The following KLHL13 variants were observed in gnomAD, a reference collection of about 807,000 sequenced individuals.
KLHL13 encodes the protein kelch-like protein 13.
KLHL13 carries 10 observed loss-of-function variants against 37.1 expected under a neutral mutation model. That is an observed-to-expected ratio of 0.27 (90% confidence interval 0.17 to 0.46). The LOEUF (loss-of-function observed/expected upper bound fraction) is 0.46. KLHL13 is among the 20% of genes least tolerant of loss of function. The pLI is 1.00. For synonymous variants in KLHL13, 163 were observed against 181.2 expected (o/e 0.90, Z 0.81); for missense variants, 360 against 509.3 (o/e 0.71, Z 2.82).
chrX:118,089,605 AGAGAG>A (rs1569313783), intron 1 of KLHL13, among the ~76,000 whole-genome samples: 34 of 85,020 alleles, frequency 4.0e-4, no homozygotes, highest in African/African-American at 1.4e-3. Context: ...AGAGAGAGAG[AGAGAG>A]AGAAAGAAAG....
chrX:118,032,174 A>G (rs747202803), intron 1 of KLHL13, among the ~76,000 whole-genome samples: 11 of 111,279 alleles, frequency 9.9e-5, no homozygotes, highest in Admixed American at 3.8e-4. Flanking sequence ...AGGGGCGCCC[A>G]CCATTGCCCA....
chrX:117,972,192 A>G (rs895175190), intron 1 of KLHL13, among the ~76,000 whole-genome samples: 2 of 112,289 alleles, frequency 1.8e-5, no homozygotes, highest in Non-Finnish European at 1.9e-5. Flanking sequence ...ACACTTCAGA[A>G]CTTGAATGAT....
At chrX:118,051,085 A>T (rs895198215) in intron 1 of KLHL13, among the ~76,000 whole-genome samples, 3 of 110,935 alleles carry the variant, frequency 2.7e-5, no homozygotes, top group African/African-American at 9.8e-5. Context: ...GAGGCCCATT[A>T]CAAGAATGTC....
At position 118,104,048 on chromosome X, in the gene KLHL13, T is replaced by TAAAAAAAA. The variant is rs60645250; in HGVS notation, c.-56+12452_-56+12459dup. 6.3e-4 allele frequency among the ~76,000 whole-genome samples: 27 copies of TAAAAAAAA among 42,571 alleles called. 4 individuals are homozygous for TAAAAAAAA. Among genetic ancestry groups the TAAAAAAAA allele is most frequent in the African/African-American group, 1.9e-3 (21 of 11,188 alleles). The allele number at this position is 42,571 out of a possible 115,157, so 37.0% of individuals were successfully genotyped here. On this transcript the variant is annotated intron_variant, in intron 1 of 6. Coordinates refer to the KLHL13 transcript ENST00000371882. Reference sequence around the variant, plus strand: ...CAACATACCGAGGCCTCATTTCCACTAAAAAAAAAAAAAAAAAAAAAAAAA... The same window carrying TAAAAAAAA: ...CAACATACCGAGGCCTCATTTCCACTAAAAAAAAAAAAAAAAAAAAAAAAAAAAAAAAA...
chrX:117,945,056 G>A (rs1269149983), intron 2 of KLHL13, among the ~76,000 whole-genome samples: 1 of 111,509 alleles, frequency 9.0e-6, no homozygotes, highest in Non-Finnish European at 1.9e-5. Flanking sequence ...TAGGGACCTT[G>A]TAATACTTAC....
intron 1 of KLHL13, among the ~76,000 whole-genome samples, chrX:118,064,522 G>A (rs113769045): frequency 4.5e-5 from 5 of 111,965 alleles, no homozygotes; most frequent in African/African-American, 1.6e-4. Context: ...ATGTGCTTAA[G>A]TGACTAACAT....
At chrX:117,904,746 C>T (rs1006674957) in intron 5 of KLHL13, among the ~76,000 whole-genome samples, 11 of 111,556 alleles carry the variant, frequency 9.9e-5, no homozygotes, top group African/African-American at 3.3e-4. Flanking sequence ...TTTTACACTA[C>T]AACAGCAGAG....
At position 118,008,382 on chromosome X, in the gene KLHL13, T is replaced by A. The variant is rs1305473621; in HGVS notation, c.-55-62807A>T. On this transcript the variant is annotated intron_variant, in intron 1 of 6. Coordinates refer to the KLHL13 transcript ENST00000371882. ...ACACCCAAAATAAGCAGAACTAGCT[T>A]GGCCTTAGGGTAAACGCCATAGGTG... Among the ~76,000 whole-genome samples the A allele has an allele frequency of 3.6e-5, 4 of 112,083 alleles. No individual in the cohort carries two copies. The Admixed American group carries it at 3.8e-4, about 11-fold the overall frequency.
chrX:117,978,297 A>G (rs1249728324), upstream of KLHL13, among the ~76,000 whole-genome samples: 1 of 112,294 alleles, frequency 8.9e-6, no homozygotes, highest in Admixed American at 9.5e-5. Context: ...TCCTCACACC[A>G]TGATGGCATA....
At chrX:118,061,634 T>C (rs747894190) in intron 1 of KLHL13, among the ~76,000 whole-genome samples, 32 of 111,779 alleles carry the variant, frequency 2.9e-4, no homozygotes, top group Non-Finnish European at 5.1e-4. Context: ...TCTAATTATA[T>C]ATTTGTTGAA....
chrX:118,093,453 G>C (rs1020958397), intron 1 of KLHL13, among the ~76,000 whole-genome samples: 2 of 111,515 alleles, frequency 1.8e-5, no homozygotes, highest in Non-Finnish European at 3.8e-5. Flanking sequence ...CAGATTTTAG[G>C]TCAGGTTTAG....
intron 1 of KLHL13, among the ~76,000 whole-genome samples, chrX:118,052,170 A>G (rs901274472): frequency 4.5e-5 from 5 of 111,359 alleles, no homozygotes; most frequent in African/African-American, 1.6e-4. Context: ...AATCCTATCT[A>G]TACCATATGT....
chrX:117,908,128 TCCTGCTTC>T (rs1268044201), intron 5 of KLHL13, among the ~76,000 whole-genome samples: 4 of 107,846 alleles, frequency 3.7e-5, no homozygotes, highest in Admixed American at 1.0e-4. Flanking sequence ...GTTCAAGCAA[TCCTGCTTC>T]AGCCTCCCTA....
chrX:118,102,367 A>T (rs1227810883), intron 1 of KLHL13, among the ~76,000 whole-genome samples: 1 of 111,844 alleles, frequency 8.9e-6, no homozygotes, highest in Admixed American at 9.5e-5. Context: ...CAGCTTAGGT[A>T]TCACCATAGG....
At chrX:117,973,047 A>T in exon 1 of KLHL13, 1 of 1,040,367 alleles carries the variant, frequency 9.6e-7, no homozygotes, top group African/African-American at 1.9e-5. Flanking sequence ...TGATGATTCA[A>T]TCATTCCAAC....
intron 1 of KLHL13, among the ~76,000 whole-genome samples, chrX:118,096,986 A>G (rs1232808581): frequency 4.5e-5 from 5 of 111,318 alleles, no homozygotes; most frequent in African/African-American, 1.3e-4. Context: ...TGAATGGGCA[A>G]AAACTGGAAG....
At chrX:117,910,036 C>T in exon 5 of KLHL13, 3 of 1,203,032 alleles carry the variant, frequency 2.5e-6, no homozygotes, top group Non-Finnish European at 3.4e-6. Context: ...TATTTATCCA[C>T]TTCGGTTAGA....
chrX:118,078,953 T>C (rs1046549947), intron 1 of KLHL13, among the ~76,000 whole-genome samples: 2 of 111,238 alleles, frequency 1.8e-5, no homozygotes, highest in African/African-American at 6.5e-5. Flanking sequence ...TATTCTTTTT[T>C]TAATTTTAGA....
rs188076697 is a variant in KLHL13 at position 117,898,899 on chromosome X, G to A, written c.*9C>T. 665 of 1,189,122 alleles carry A rather than the reference G, an allele frequency of 5.6e-4. 4 individuals are homozygous for A. In the East Asian group the frequency reaches 0.016, roughly 29 times the overall value. On this transcript the variant is annotated 3_prime_UTR_variant, in exon 7 of 7. Transcript: ENST00000262820. Reference sequence around the variant, plus strand: ...ATAGAACTACAGCATCTTAGTTGTAGAGATGATCTTAAGGTGCAGAAAGAG... The same window carrying A: ...ATAGAACTACAGCATCTTAGTTGTAAAGATGATCTTAAGGTGCAGAAAGAG...
Sources: allele counts gnomAD v4.1 joint callset (sites outside exome capture counted in the v4.1 genomes callset), GRCh38; gene constraint gnomAD v4.1.1; transcripts MANE v1.5; gene names NCBI Gene and HGNC (gene_info 2026-07-23, HGNC 2026-07-21).